The following POLA1 variants were observed in gnomAD, a reference collection of about 807,000 sequenced individuals.
POLA1 encodes the protein DNA polymerase alpha catalytic subunit.
In POLA1, 15 loss-of-function variants were observed where a neutral mutation model predicts 124.0. The ratio of observed to expected loss-of-function variants is 0.12; its 90% CI spans 0.08 to 0.19. The LOEUF is 0.19. Among genes scored for constraint, POLA1 ranks in the 10% least tolerant of loss-of-function variants. The probability of loss-of-function intolerance (pLI) is 1.00; values close to 1 mark genes in which losing one functional copy is unlikely to be tolerated. For synonymous variants in POLA1, 408 were observed against 389.4 expected, an observed-to-expected ratio of 1.05 and a Z score of -0.56; for missense variants, 886 against 1,103.4, an observed-to-expected ratio of 0.80 and a Z score of 2.79.
chrX:24,921,908 G>GTGTGTGTGT (rs1569363662), intron 35 of POLA1, among the ~76,000 whole-genome samples: 1 of 110,570 alleles, frequency 9.0e-6, no homozygotes, highest in African/African-American at 3.3e-5. Context: ...GTGTGTGTGT[G>GTGTGTGTGT]ATGGGGGTGG....
intron 36 of POLA1, among the ~76,000 whole-genome samples, chrX:24,974,837 A>G (rs1452368344): frequency 1.8e-5 from 2 of 112,396 alleles, no homozygotes; most frequent in Non-Finnish European, 3.8e-5. Context: ...AAACCCTAAT[A>G]TAGGGCTAGT....
At chrX:24,818,478 G>A (rs2046030574) in intron 30 of POLA1, among the ~76,000 whole-genome samples, 1 of 111,349 alleles carries the variant, frequency 9.0e-6, no homozygotes, top group Non-Finnish European at 1.9e-5. Flanking sequence ...GCTACCCTGA[G>A]TATGGAATTT....
At chrX:24,978,170 A>G (rs938821089) in intron 36 of POLA1, among the ~76,000 whole-genome samples, 1 of 111,855 alleles carries the variant, frequency 8.9e-6, no homozygotes, top group Non-Finnish European at 1.9e-5. Flanking sequence ...CTATAACCAG[A>G]AATCAGAGAG....
intron 26 of POLA1, among the ~76,000 whole-genome samples, chrX:24,787,201 T>C (rs1213961770): frequency 8.9e-6 from 1 of 112,006 alleles, no homozygotes; most frequent in Non-Finnish European, 1.9e-5. Flanking sequence ...GTTAATTGCT[T>C]TCTTTTTAGT....
At chrX:24,949,889 C>G (rs776727510) in intron 36 of POLA1, among the ~76,000 whole-genome samples, 1 of 109,627 alleles carries the variant, frequency 9.1e-6, no homozygotes, top group East Asian at 2.9e-4. Context: ...TACACGCCAC[C>G]ACACCCAGCT....
intron 17 of POLA1, chrX:24,734,236 A>G (rs1444953491): frequency 8.9e-6 from 1 of 112,873 alleles, no homozygotes; most frequent in Admixed American, 9.5e-5. Flanking sequence ...GGGTTGGCCA[A>G]AATGGATCAG....
chrX:24,909,737 A>G (rs2047419589), intron 35 of POLA1, among the ~76,000 whole-genome samples: 1 of 111,021 alleles, frequency 9.0e-6, no homozygotes, highest in Non-Finnish European at 1.9e-5. Flanking sequence ...TTGGTTCCAT[A>G]TGAACTTTAA....
chrX:24,911,528 C>A (rs1235547609), intron 35 of POLA1, among the ~76,000 whole-genome samples: 1 of 109,941 alleles, frequency 9.1e-6, no homozygotes, highest in African/African-American at 3.3e-5. Flanking sequence ...CAAGTAAATA[C>A]CCTGAGTTTG....
chrX:24,978,068 G>C (rs2048384614), intron 36 of POLA1, among the ~76,000 whole-genome samples: 1 of 111,807 alleles, frequency 8.9e-6, no homozygotes, highest in South Asian at 3.7e-4. Context: ...CTCTTTCTTG[G>C]AGTTTCTTTT....
At chrX:24,717,845 T>G in intron 10 of POLA1, 87 bp downstream of exon 10, 2 of 628,025 alleles carry the variant, frequency 3.2e-6, no homozygotes, top group Non-Finnish European at 4.7e-6. Context: ...TTTTTGTGTG[T>G]TTTGTCTTTT....
At chrX:24,742,218 C>A in intron 22 of POLA1, 97 bp downstream of exon 22, 1 of 752,567 alleles carries the variant, frequency 1.3e-6, no homozygotes, top group Non-Finnish European at 1.9e-6. Context: ...CATCTGCTTT[C>A]AAAATAGCTA....
rs756216405 is a variant in POLA1, at chrX:24,737,719, G to A, written c.2018G>A (p.Arg673Gln). 4 of 1,115,439 alleles carry A rather than the reference G, an allele frequency of 3.6e-6. No individual in the cohort carries two copies. Among genetic ancestry groups the A allele is most frequent in the Non-Finnish European group, 4.9e-6 (4 of 814,338 alleles). 91.9% of individuals were successfully genotyped at this position (1,115,439 alleles called of 1,213,427 possible). The change falls in exon 19 of 37, where the codon CGA becomes CAA. Residue 673 changes from arginine (R) to glutamine (Q), a missense_variant. Physicochemically the swap from Arg to Gln is conservative, Grantham distance 43. Around this residue, in one of 7 missense-constraint regions of POLA1, gnomAD observed 182 missense variants for 252.8 expected, o/e 0.72. Coordinates refer to ENST00000379068, the MANE Select transcript of POLA1 (RefSeq NM_001330360.2). The stretch of plus-strand genomic sequence containing the variant: ...TGGTCCAAGATAGGTCGACTGAAGC[G>A]ATCCAACATGCCAAAGCTTGGGGTA... ...PHWSKIGRLK[R>Q]SNMPKLGGRS...
At chrX:24,826,303 A>G in intron 31 of POLA1, 124 bp from the exon 32 acceptor site, 1 of 446,294 alleles carries the variant, frequency 2.2e-6, no homozygotes. Flanking sequence ...TGATGTTTAG[A>G]AGTAGATACA....
Position 24,987,749 on chromosome X carries a change from G to C in POLA1, c.4262-8056G>C, listed in dbSNP as rs769550172. On this transcript the variant is annotated intron_variant, in intron 36 of 36. Coordinates refer to ENST00000379068, the MANE Select transcript of POLA1 (RefSeq NM_001330360.2). ...AGAAAGGCTGAGTGCCCCTGGAATCGTTGTAACTTTATCCTTCCCCAGTGT... is the reference window on the plus strand; with the variant it reads ...AGAAAGGCTGAGTGCCCCTGGAATCCTTGTAACTTTATCCTTCCCCAGTGT... Among the ~76,000 whole-genome samples, 4 of 111,302 alleles carry C rather than the reference G, an allele frequency of 3.6e-5. No individual in the cohort carries two copies. In the South Asian group the frequency reaches 1.6e-3, roughly 44 times the overall value.
chrX:24,947,551 A>G (rs2047983054), intron 36 of POLA1, among the ~76,000 whole-genome samples: 1 of 111,007 alleles, frequency 9.0e-6, no homozygotes, highest in Admixed American at 9.6e-5. Flanking sequence ...GATTACAGGC[A>G]GGAGCCACCG....
intron 32 of POLA1, 86 bp downstream of exon 32, chrX:24,826,687 G>T: frequency 3.4e-6 from 2 of 589,106 alleles, no homozygotes; most frequent in Non-Finnish European, 5.3e-6. Flanking sequence ...CTGCTTATGG[G>T]CATGGTATTG....
chrX:24,874,559 A>G (rs1053380227), intron 34 of POLA1, among the ~76,000 whole-genome samples: 1 of 112,273 alleles, frequency 8.9e-6, no homozygotes, highest in Non-Finnish European at 1.9e-5. Flanking sequence ...TATGAAGTTC[A>G]TTGTTCAGAA....
chrX:24,971,403 A>G (rs1319800382), intron 36 of POLA1, among the ~76,000 whole-genome samples: 2 of 112,914 alleles, frequency 1.8e-5, no homozygotes, highest in African/African-American at 6.4e-5. Flanking sequence ...TGCAAGAAAG[A>G]AAGCCTCTTT....
At chrX:24,901,459 A>T (rs2147160588) in intron 35 of POLA1, among the ~76,000 whole-genome samples, 1 of 111,433 alleles carries the variant, frequency 9.0e-6, no homozygotes, top group African/African-American at 3.3e-5. Flanking sequence ...AAGCCGAAAG[A>T]GGTAAGGTGA....
Sources: gnomAD v4.1 joint callset for allele counts (sites outside exome capture counted in the v4.1 genomes callset) on GRCh38, gnomAD v4.1.1 for gene constraint, gnomAD v4.1.1 regional missense constraint, MANE v1.5 for transcripts, NCBI Gene and HGNC (gene_info 2026-07-23, HGNC 2026-07-21) for gene names.